Variants in LYPLA1 observed in about 807,000 individuals in gnomAD.
LYPLA1 encodes lysophospholipase 1.
In LYPLA1, 17 loss-of-function variants were observed where a neutral mutation model predicts 34.0. The ratio of observed to expected loss-of-function variants is 0.50; its 90% CI spans 0.34 to 0.75. The LOEUF (loss-of-function observed/expected upper bound fraction) is 0.75. Among genes scored for constraint, LYPLA1 ranks in the 30% least tolerant of loss-of-function variants. The pLI is 0.01. For missense variants in LYPLA1, 203 were observed against 288.8 expected (o/e 0.70, Z 2.15); for synonymous variants, 98 against 100.8 (o/e 0.97, Z 0.17).
intron 2 of LYPLA1, among the ~76,000 whole-genome samples, chr8:54,088,665 C>T (rs58515879): frequency 0.13 from 20,127 of 152,228 alleles, 3,536 homozygotes; most frequent in African/African-American, 0.41. Flanking sequence ...TGTACACAAA[C>T]GTGCAGAGTA....
In LYPLA1 at chr8:54,086,401, G is replaced by GATC. The variant is rs1429244320; in HGVS notation, c.101+14506_101+14507insGAT. Among the ~76,000 whole-genome samples, 3 of 73,194 alleles carry GATC rather than the reference G, an allele frequency of 4.1e-5. No homozygotes were observed. In the Admixed American group the frequency reaches 6.2e-4, roughly 15 times the overall value. 48.0% of individuals were successfully genotyped at this position (73,194 alleles called of 152,430 possible). ...GACCCTGCCAAATCCCCCTCTCCGAGAAACACCCAAGAATGATCAATAAAT... is the reference window on the plus strand; with the variant it reads ...GACCCTGCCAAATCCCCCTCTCCGAGATCAAACACCCAAGAATGATCAATAAAT... On this transcript the variant is annotated intron_variant, in intron 2 of 8. Transcript: ENST00000316963.
chr8:54,084,096 C>G lies in LYPLA1; in HGVS notation c.101+16812G>C, dbSNP rs893470370. Among the ~76,000 whole-genome samples the G allele has an allele frequency of 2.8e-5, 4 of 142,362 alleles. No individual in the cohort carries two copies. In the South Asian group the frequency reaches 8.6e-4, roughly 31 times the overall value. The allele number at this position is 142,362 out of a possible 152,430, so 93.4% of individuals were successfully genotyped here. ...GAGGTTGCAGTGAGTTGAGATCACG[C>G]CACTGCACTCCAGCCTGGGAGACCA... On this transcript the variant is annotated intron_variant, in intron 2 of 8. Transcript: ENST00000316963.
chr8:54,071,603 GCA>G (rs1170722855), intron 2 of LYPLA1, among the ~76,000 whole-genome samples: 4 of 152,094 alleles, frequency 2.6e-5, no homozygotes, highest in African/African-American at 9.7e-5. Context: ...TGTACAAAAA[GCA>G]CACATTTTAT....
chr8:54,087,765 C>T (rs1808914293), intron 2 of LYPLA1, among the ~76,000 whole-genome samples: 1 of 152,158 alleles, frequency 6.6e-6, no homozygotes, highest in African/African-American at 2.4e-5. Context: ...GTTTGAAATG[C>T]TTGTTCTCCG....
chr8:54,082,571 G>A (rs998327921), intron 2 of LYPLA1, among the ~76,000 whole-genome samples: 6 of 152,006 alleles, frequency 3.9e-5, no homozygotes, highest in African/African-American at 1.4e-4. Flanking sequence ...CTCCTGCCTT[G>A]GCTTTCCAAA....
chr8:54,073,657 G>T, intron 2 of LYPLA1: 1 of 423,352 alleles, frequency 2.4e-6, no homozygotes, highest in Non-Finnish European at 4.3e-6. Context: ...TGTCCTAACA[G>T]AAAGATGACC....
chr8:54,085,222 G>A (rs1344508507), intron 2 of LYPLA1, among the ~76,000 whole-genome samples: 2 of 152,224 alleles, frequency 1.3e-5, no homozygotes, highest in African/African-American at 4.8e-5. Flanking sequence ...TCCTGACCGC[G>A]AGTGATCTGC....
chr8:54,089,271 A>C (rs1021085640), intron 2 of LYPLA1, among the ~76,000 whole-genome samples: 1 of 152,138 alleles, frequency 6.6e-6, no homozygotes, highest in African/African-American at 2.4e-5. Context: ...CTGTGGATTC[A>C]GTTACCACCA....
intron 2 of LYPLA1, among the ~76,000 whole-genome samples, chr8:54,068,656 T>C (rs1322409528): frequency 3.3e-5 from 5 of 152,150 alleles, no homozygotes; most frequent in Non-Finnish European, 5.9e-5. Context: ...TACAAAGAAG[T>C]TGGACTGCTA....
At chr8:54,086,908 A>G (rs924749232) in intron 2 of LYPLA1, among the ~76,000 whole-genome samples, 1 of 152,156 alleles carries the variant, frequency 6.6e-6, no homozygotes, top group Admixed American at 6.6e-5. Flanking sequence ...AAAAACTACC[A>G]AACCAAATCT....
chr8:54,071,071 T>C (rs1807429042), intron 2 of LYPLA1, among the ~76,000 whole-genome samples: 1 of 152,166 alleles, frequency 6.6e-6, no homozygotes, highest in African/African-American at 2.4e-5. Context: ...GACCCAGTCA[T>C]GAGGAACCAT....
chr8:54,060,163 T>C (rs1366792678), intron 5 of LYPLA1, among the ~76,000 whole-genome samples: 1 of 152,188 alleles, frequency 6.6e-6, no homozygotes, highest in Non-Finnish European at 1.5e-5. Flanking sequence ...TTCACTCTTG[T>C]TGCCCAGGCT....
chr8:54,048,748 C>CT (rs1805640928), intron 8 of LYPLA1, among the ~76,000 whole-genome samples: 2 of 152,150 alleles, frequency 1.3e-5, no homozygotes, highest in African/African-American at 4.8e-5. Context: ...CTCACAGTGC[C>CT]AAATAGTAGC....
intron 2 of LYPLA1, among the ~76,000 whole-genome samples, chr8:54,092,531 C>T (rs923538050): frequency 6.6e-6 from 1 of 152,168 alleles, no homozygotes; most frequent in African/African-American, 2.4e-5. Context: ...TTCTAGTTCT[C>T]AGTTTTCCCA....
intron 8 of LYPLA1, among the ~76,000 whole-genome samples, chr8:54,048,630 C>T (rs561813840): frequency 6.6e-6 from 1 of 152,266 alleles, no homozygotes; most frequent in Non-Finnish European, 1.5e-5. Context: ...AAAGATTTAT[C>T]ATAGAAGAAA....
chr8:54,068,449 A>G (rs953685700), intron 2 of LYPLA1, among the ~76,000 whole-genome samples: 1 of 152,200 alleles, frequency 6.6e-6, no homozygotes, highest in African/African-American at 2.4e-5. Context: ...GAGGACTCAC[A>G]CTTCTTAATC....
chr8:54,101,558 C>T, intron 1 of LYPLA1, 197 bp downstream of exon 1: 2 of 1,148,532 alleles, frequency 1.7e-6, no homozygotes, highest in Non-Finnish European at 1.1e-6. Flanking sequence ...GGGACTGGCC[C>T]TCGCGCCGGC....
At chr8:54,061,070 A>G (rs955230517) in intron 5 of LYPLA1, among the ~76,000 whole-genome samples, 2 of 151,862 alleles carry the variant, frequency 1.3e-5, no homozygotes, top group Non-Finnish European at 1.5e-5. Context: ...TTTAATGAAG[A>G]TAACTGGCCA....
At position 54,086,480 on chromosome 8, in the gene LYPLA1, C is replaced by G. The variant is rs1308909326; in HGVS notation, c.101+14428G>C. On this transcript the variant is annotated intron_variant, in intron 2 of 8. Coordinates refer to ENST00000316963, the MANE Select transcript of LYPLA1 (RefSeq NM_006330.4). ...AAAAAAAAAGAATCCTTCTCCTCAT[C>G]CCCCCCGCCCAAAAAAAGGAACAGT... Among the ~76,000 whole-genome samples, 8 of 135,626 alleles carry G rather than the reference C, an allele frequency of 5.9e-5. No individual in the cohort carries two copies. The South Asian group carries it at 1.8e-3, about 31-fold the overall frequency. The allele number at this position is 135,626 out of a possible 152,430, so 89.0% of individuals were successfully genotyped here. A position where few individuals can be genotyped will look rare whatever the true frequency, so the allele number is the denominator to read the frequency against.
Sources: allele counts gnomAD v4.1 joint callset (sites outside exome capture counted in the v4.1 genomes callset), GRCh38; gene constraint gnomAD v4.1.1; transcripts MANE v1.5; gene names NCBI Gene and HGNC (gene_info 2026-07-23, HGNC 2026-07-21).